Variants in ANGEL1 observed in about 807,000 individuals in gnomAD.
The protein encoded by ANGEL1 is RNA 2',3'-cyclic phosphatase ANGEL1.
In ANGEL1, 62 loss-of-function variants were observed where a neutral mutation model predicts 76.4. The observed-to-expected ratio is 0.81, with a 90% CI of 0.66 to 1.00. ANGEL1 has a LOEUF of 1.00. Ranked by LOEUF, ANGEL1 falls within the 50% of genes least tolerant of loss-of-function variation. ANGEL1 has a pLI of 0.00. For synonymous variants in ANGEL1, 340 were observed against 331.7 expected, an observed-to-expected ratio of 1.03 and a Z score of -0.27; for missense variants, 737 against 836.7, an observed-to-expected ratio of 0.88 and a Z score of 1.47.
At chr14:76,794,442 C>T (rs1393885472) in intron 7 of ANGEL1, among the ~76,000 whole-genome samples, 1 of 152,016 alleles carries the variant, frequency 6.6e-6, no homozygotes, top group East Asian at 1.9e-4. Context: ...AAGGCTGGGG[C>T]GGACGCATCA....
At chr14:76,805,009 CAAAA>C (rs1894874542) in intron 5 of ANGEL1, among the ~76,000 whole-genome samples, 2 of 133,310 alleles carry the variant, frequency 1.5e-5, no homozygotes, top group African/African-American at 5.9e-5. Flanking sequence ...GACTCTGTCT[CAAAA>C]AATAAATAAA....
rs1894811703 is a variant in ANGEL1 at position 76,803,071 on chromosome 14, C to A, written c.1618+300G>T. On this transcript the variant is annotated intron_variant, in intron 7 of 9. Coordinates refer to ENST00000251089, the MANE Select transcript of ANGEL1 (RefSeq NM_015305.4). ...AGCCCCATCATGTGTAACTTCTCCC[C>A]TATATATGCTGTACACATGCTAGTC... Among the ~76,000 whole-genome samples the A allele has an allele frequency of 5.3e-5, 8 of 152,196 alleles. 1 individual carries two copies. The South Asian group carries it at 1.7e-3, about 32-fold the overall frequency.
intron 1 of ANGEL1, chr14:76,810,041 A>C (rs1168466518): frequency 1.9e-5 from 7 of 365,092 alleles, no homozygotes; most frequent in Admixed American, 1.1e-4. Flanking sequence ...ACTGACTGTT[A>C]ATCAGAACTG....
chr14:76,789,112 G>A lies in ANGEL1; in HGVS notation c.*116C>T. ...GTGGGAAAAAGGGAACGAGGAGGGGGAAGGGAGGGGATGTAAGTTTCTTGG... is the reference window on the plus strand; with the variant it reads ...GTGGGAAAAAGGGAACGAGGAGGGGAAAGGGAGGGGATGTAAGTTTCTTGG... On this transcript the variant is annotated 3_prime_UTR_variant, in exon 10 of 10. Coordinates refer to ENST00000251089, the MANE Select transcript of ANGEL1 (RefSeq NM_015305.4). The A allele has an allele frequency of 7.5e-7, 1 of 1,328,908 alleles. No homozygotes were observed. Among genetic ancestry groups the A allele is most frequent in the Non-Finnish European group, 1.0e-6 (1 of 963,728 alleles). 82.3% of individuals were successfully genotyped at this position (1,328,908 alleles called of 1,614,324 possible). A position where few individuals can be genotyped will look rare whatever the true frequency, so the allele number is the denominator to read the frequency against.
At chr14:76,810,752 G>A (rs1028382201) in intron 1 of ANGEL1, among the ~76,000 whole-genome samples, 7 of 152,184 alleles carry the variant, frequency 4.6e-5, no homozygotes, top group Non-Finnish European at 7.3e-5. Context: ...CTCTGATACT[G>A]CAGCCACCAA....
At chr14:76,802,120 C>T (rs1323674304) in intron 7 of ANGEL1, among the ~76,000 whole-genome samples, 5 of 151,796 alleles carry the variant, frequency 3.3e-5, no homozygotes, top group Admixed American at 1.3e-4. Context: ...TGTAGTGAGC[C>T]GAGATGGTGC....
chr14:76,792,984 G>A (rs895466996), intron 7 of ANGEL1, among the ~76,000 whole-genome samples: 4 of 152,070 alleles, frequency 2.6e-5, no homozygotes, highest in Admixed American at 2.0e-4. Flanking sequence ...ATCTTATATA[G>A]AGAAAATCCT....
chr14:76,789,110 G>T lies in ANGEL1; in HGVS notation c.*118C>A. 1.5e-6 allele frequency: 2 copies of T among 1,318,008 alleles called. No individual in the cohort carries two copies. The highest frequency in any genetic ancestry group is 2.1e-6 in the Non-Finnish European group (2 of 954,720). The allele number at this position is 1,318,008 out of a possible 1,614,324, so 81.6% of individuals were successfully genotyped here. A position where few individuals can be genotyped will look rare whatever the true frequency, so the allele number is the denominator to read the frequency against. ...CCGTGGGAAAAAGGGAACGAGGAGGGGGAAGGGAGGGGATGTAAGTTTCTT... is the reference window on the plus strand; with the variant it reads ...CCGTGGGAAAAAGGGAACGAGGAGGTGGAAGGGAGGGGATGTAAGTTTCTT... On this transcript the variant is annotated 3_prime_UTR_variant, in exon 10 of 10. Coordinates refer to ENST00000251089, the MANE Select transcript of ANGEL1 (RefSeq NM_015305.4).
intron 7 of ANGEL1, among the ~76,000 whole-genome samples, chr14:76,802,204 A>AATTT (rs1468484907): frequency 6.6e-6 from 1 of 152,054 alleles, no homozygotes; most frequent in Non-Finnish European, 1.5e-5. Flanking sequence ...AAATAAAGAC[A>AATTT]ATTTCTTTAT....
chr14:76,803,569 G>T, intron 6 of ANGEL1, 88 bp from the exon 7 acceptor site: 1 of 1,395,030 alleles, frequency 7.2e-7, no homozygotes, highest in Non-Finnish European at 1.0e-6. Flanking sequence ...TTCCAGCATA[G>T]GTACACAGAG....
At chr14:76,793,787 G>A (rs974021384) in intron 7 of ANGEL1, among the ~76,000 whole-genome samples, 1 of 151,722 alleles carries the variant, frequency 6.6e-6, no homozygotes, top group Non-Finnish European at 1.5e-5. Flanking sequence ...TAAATATACT[G>A]TTTTTTTCCT....
rs924286738 is a variant in ANGEL1, at chr14:76,791,235, ATC to A, written c.1688+60_1688+61del. 7.7e-6 allele frequency: 12 copies of A among 1,565,590 alleles called. No individual in the cohort carries two copies. The South Asian group carries it at 7.8e-5, about 10-fold the overall frequency. On this transcript the variant is annotated intron_variant, in intron 8 of 9. Transcript: ENST00000251089. ...GTCAACCTCAGGACAACCAATGGGA[ATC>A]TCTCTCTTACACCTAGGCAAGGGCT...
intron 7 of ANGEL1, 52 bp from the exon 8 acceptor site, chr14:76,791,418 G>T: frequency 6.4e-7 from 1 of 1,557,436 alleles, no homozygotes; most frequent in Non-Finnish European, 8.8e-7. Context: ...CAGTGAAGCA[G>T]GATCAGAACC....
chr14:76,789,282 A>G lies in ANGEL1; in HGVS notation c.1959T>C (p.Ser653=), dbSNP rs1224195861. The change falls in exon 10 of 10, where the codon TCT becomes TCC. Residue 653 remains serine (S), a synonymous_variant. Coordinates refer to ENST00000251089, the MANE Select transcript of ANGEL1 (RefSeq NM_015305.4). ...AANGLPNPFC[S]SDHLCLLASF... ...TGGCTAGCAGGCAGAGGTGGTCTGA[A>G]GAGCAGAAGGGGTTGGGTAAGCCAT... is the stretch of plus-strand genomic sequence containing the variant. 2 of 1,614,206 alleles carry G rather than the reference A, an allele frequency of 1.2e-6. No homozygotes were observed. Among genetic ancestry groups the G allele is most frequent in the East Asian group, 2.2e-5 (1 of 44,890 alleles).
rs994730982 is a variant in ANGEL1, at chr14:76,803,821, C to A, written c.1472G>T (p.Cys491Phe). The A allele has an allele frequency of 6.2e-7, 1 of 1,613,946 alleles. No individual in the cohort carries two copies. Among genetic ancestry groups the A allele is most frequent in the Non-Finnish European group, 8.5e-7 (1 of 1,179,988 alleles). ...WPSSLGITDC[C>F]QYVTSCHPKR... Reference sequence around the variant, plus strand: ...GGGGTGACAGGAGGTGACATACTGACAGCAATCAGTGATGCCCAGGGAGCT... The same window carrying A: ...GGGGTGACAGGAGGTGACATACTGAAAGCAATCAGTGATGCCCAGGGAGCT... The change falls in exon 6 of 10, where the codon TGT becomes TTT. Residue 491 changes from cysteine to phenylalanine, a missense_variant. Physicochemically the swap from Cys to Phe is radical, Grantham distance 205 (BLOSUM62 -2). Around this residue, in one of 2 missense-constraint regions of ANGEL1, gnomAD observed 296 missense variants for 387.2 expected, o/e 0.76. Transcript: ENST00000251089.
intron 1 of ANGEL1, among the ~76,000 whole-genome samples, chr14:76,810,898 G>A (rs1356245909): frequency 5.3e-5 from 8 of 152,200 alleles, no homozygotes; most frequent in Admixed American, 2.6e-4. Flanking sequence ...CACAGGACGA[G>A]TAACATGCAC....
At chr14:76,799,351 C>T (rs986095788) in intron 7 of ANGEL1, among the ~76,000 whole-genome samples, 2 of 117,808 alleles carry the variant, frequency 1.7e-5, no homozygotes, top group South Asian at 2.9e-4. Flanking sequence ...TGGAGTACAG[C>T]GGTGTAATCT....
intron 7 of ANGEL1, among the ~76,000 whole-genome samples, chr14:76,793,407 TAAAAGGAAAG>T (rs1894473889): frequency 4.4e-4 from 1 of 2,292 alleles, no homozygotes; most frequent in Non-Finnish European, 8.7e-4. Flanking sequence ...GGAGAGGGGA[TAAAAGGAAAG>T]AGGAGAGGGG....
Position 76,799,589 on chromosome 14 carries a change from G to A in ANGEL1, c.1618+3782C>T, listed in dbSNP as rs922509844. Among the ~76,000 whole-genome samples, 6 of 152,040 alleles carry A rather than the reference G, an allele frequency of 3.9e-5. No homozygotes were observed. The South Asian group carries it at 6.2e-4, about 16-fold the overall frequency. On this transcript the variant is annotated intron_variant, in intron 7 of 9. Coordinates refer to ENST00000251089, the MANE Select transcript of ANGEL1 (RefSeq NM_015305.4). ...ATTACAGGCGTGAGCCACCGCGCCC[G>A]GCCCATTCATGGCCCTTTTAAAATA...
Sources: allele counts gnomAD v4.1 joint callset (sites outside exome capture counted in the v4.1 genomes callset), GRCh38; gene constraint gnomAD v4.1.1; regional missense constraint gnomAD v4.1.1; transcripts MANE v1.5; gene names NCBI Gene and HGNC (gene_info 2026-07-23, HGNC 2026-07-21).